The following ZNF385B variants were observed in gnomAD, a reference collection of about 807,000 sequenced individuals.
ZNF385B encodes the protein zinc finger protein 533.
A neutral mutation model predicts 39.2 loss-of-function variants in ZNF385B; 23 were observed. The observed-to-expected ratio is 0.59, with a 90% CI of 0.42 to 0.83. ZNF385B has a LOEUF of 0.83. Ranked by LOEUF, ZNF385B falls within the 40% of genes least tolerant of loss-of-function variation. The pLI is 0.00. For synonymous variants in ZNF385B, 205 were observed against 222.6 expected (o/e 0.92, Z 0.70); for missense variants, 552 against 598.9 (o/e 0.92, Z 0.82).
chr2:179,611,555 G>A (rs980557893), intron 3 of ZNF385B, among the ~76,000 whole-genome samples: 5 of 152,246 alleles, frequency 3.3e-5, no homozygotes, highest in Non-Finnish European at 5.9e-5. Flanking sequence ...TACTGGCCTC[G>A]TGGAATGAGT....
intron 1 of ZNF385B, among the ~76,000 whole-genome samples, chr2:179,859,300 A>G (rs1167991860): frequency 6.6e-6 from 1 of 152,130 alleles, no homozygotes; most frequent in Non-Finnish European, 1.5e-5. Context: ...CATTAAATTC[A>G]TTGTTTTCTT....
intron 5 of ZNF385B, among the ~76,000 whole-genome samples, chr2:179,493,929 C>G (rs2055866578): frequency 6.6e-6 from 1 of 150,598 alleles, no homozygotes; most frequent in Non-Finnish European, 1.5e-5. Flanking sequence ...AGGCATTATT[C>G]TAAGTGCTGT....
intron 3 of ZNF385B, among the ~76,000 whole-genome samples, chr2:179,655,697 T>G (rs1423673763): frequency 6.6e-6 from 1 of 152,146 alleles, no homozygotes. Flanking sequence ...ACTAACTCCA[T>G]GTGAATCCTC....
At chr2:179,504,858 T>C (rs2057110241) in intron 5 of ZNF385B, among the ~76,000 whole-genome samples, 1 of 149,994 alleles carries the variant, frequency 6.7e-6, no homozygotes, top group Non-Finnish European at 1.5e-5. Flanking sequence ...CTCAGTATCA[T>C]GAGGACAGCA....
chr2:179,622,868 T>A (rs1335533024), intron 3 of ZNF385B, among the ~76,000 whole-genome samples: 2 of 152,128 alleles, frequency 1.3e-5, no homozygotes, highest in African/African-American at 2.4e-5. Context: ...GGGAGGGACA[T>A]GCCTACAACA....
intron 3 of ZNF385B, among the ~76,000 whole-genome samples, chr2:179,694,568 T>C (rs1698577664): frequency 6.6e-6 from 1 of 152,162 alleles, no homozygotes; most frequent in Non-Finnish European, 1.5e-5. Context: ...AAAAATTGAA[T>C]ACAATATTCT....
chr2:179,742,579 T>C (rs1260365279), intron 3 of ZNF385B, among the ~76,000 whole-genome samples: 1 of 152,026 alleles, frequency 6.6e-6, no homozygotes, highest in Non-Finnish European at 1.5e-5. Flanking sequence ...AAACTTGAAG[T>C]TCCTAGTTCA....
At chr2:179,617,174 T>A (rs1313386003) in intron 3 of ZNF385B, among the ~76,000 whole-genome samples, 2 of 152,222 alleles carry the variant, frequency 1.3e-5, no homozygotes, top group African/African-American at 4.8e-5. Context: ...AATTAATGAT[T>A]CAGTTTCTGA....
At chr2:179,723,525 C>T (rs1700818981) in intron 3 of ZNF385B, among the ~76,000 whole-genome samples, 3 of 152,096 alleles carry the variant, frequency 2.0e-5, no homozygotes, top group African/African-American at 4.8e-5. Flanking sequence ...GAATGAAATA[C>T]AGCTACACAT....
At position 179,692,770 on chromosome 2, in the gene ZNF385B, G is replaced by T. The variant is rs910030348; in HGVS notation, c.298+76733C>A. ...GTCTGCTCTCATTGGTGAAGATTTTGCAGGGATTCTGACTCATCACTCTTC... is the reference window on the plus strand; with the variant it reads ...GTCTGCTCTCATTGGTGAAGATTTTTCAGGGATTCTGACTCATCACTCTTC... On this transcript the variant is annotated intron_variant, in intron 3 of 9. Coordinates refer to ENST00000410066, the MANE Select transcript of ZNF385B (RefSeq NM_152520.6). Among the ~76,000 whole-genome samples the T allele has an allele frequency of 3.9e-5, 6 of 152,148 alleles. No individual in the cohort carries two copies. The East Asian group carries it at 1.2e-3, about 29-fold the overall frequency.
chr2:179,465,275 T>C (rs538683428), intron 6 of ZNF385B, among the ~76,000 whole-genome samples: 2 of 152,276 alleles, frequency 1.3e-5, no homozygotes, highest in South Asian at 2.1e-4. Context: ...CTCAAGATCA[T>C]ACTCTAGTCT....
intron 1 of ZNF385B, among the ~76,000 whole-genome samples, chr2:179,818,050 A>ATG (rs1040448994): frequency 6.6e-6 from 1 of 150,866 alleles, no homozygotes; most frequent in Non-Finnish European, 1.5e-5. Context: ...ATGTGTGTGA[A>ATG]TGTGTGTGTG....
Position 179,547,083 on chromosome 2 carries a change from A to T in ZNF385B, c.299-2114T>A, listed in dbSNP as rs147718063. 5.9e-3 allele frequency among the ~76,000 whole-genome samples: 882 copies of T among 149,618 alleles called. 92 individuals carry two copies. Among genetic ancestry groups the T allele is most frequent in the African/African-American group, 0.021 (849 of 39,886 alleles). Reference sequence around the variant, plus strand: ...CATTTTTTATTCAGGTTTTTAAAATAGACTTGTTTGAGCTCCTTATAGAGT... The same window carrying T: ...CATTTTTTATTCAGGTTTTTAAAATTGACTTGTTTGAGCTCCTTATAGAGT... On this transcript the variant is annotated intron_variant, in intron 3 of 9. Transcript: ENST00000410066.
At chr2:179,573,200 G>T (rs1423147069) in intron 3 of ZNF385B, among the ~76,000 whole-genome samples, 1 of 152,076 alleles carries the variant, frequency 6.6e-6, no homozygotes, top group Non-Finnish European at 1.5e-5. Context: ...TTCAGACGTT[G>T]CATATGCATT....
chr2:179,709,512 C>T (rs924686094), intron 3 of ZNF385B, among the ~76,000 whole-genome samples: 4 of 150,852 alleles, frequency 2.7e-5, no homozygotes, highest in African/African-American at 4.9e-5. Flanking sequence ...AGGATGCCCA[C>T]ACTGCATCTA....
At chr2:179,801,563 G>A (rs1706036542) in intron 1 of ZNF385B, among the ~76,000 whole-genome samples, 1 of 152,140 alleles carries the variant, frequency 6.6e-6, no homozygotes, top group Non-Finnish European at 1.5e-5. Flanking sequence ...TTGTAGTCAT[G>A]TCTATCTTCA....
At chr2:179,796,599 A>G (rs1183219084) in intron 1 of ZNF385B, among the ~76,000 whole-genome samples, 1 of 152,246 alleles carries the variant, frequency 6.6e-6, no homozygotes, top group African/African-American at 2.4e-5. Flanking sequence ...CGCCTCATTA[A>G]GGATTCAGAG....
chr2:179,822,940 A>G (rs1707487559), intron 1 of ZNF385B, among the ~76,000 whole-genome samples: 1 of 152,108 alleles, frequency 6.6e-6, no homozygotes, highest in African/African-American at 2.4e-5. Flanking sequence ...TTATTATATA[A>G]CTCTGACCGT....
At chr2:179,513,920 A>G (rs773194395) in intron 5 of ZNF385B, among the ~76,000 whole-genome samples, 6 of 152,220 alleles carry the variant, frequency 3.9e-5, no homozygotes, top group Admixed American at 3.3e-4. Flanking sequence ...CCATTTATTG[A>G]CTGAAAATCT....
Sources: allele counts gnomAD v4.1 joint callset (sites outside exome capture counted in the v4.1 genomes callset), GRCh38; gene constraint gnomAD v4.1.1; transcripts MANE v1.5; gene names NCBI Gene and HGNC (gene_info 2026-07-23, HGNC 2026-07-21).